CSPG4: variants seen among roughly 807,000 people sequenced by gnomAD.
The protein encoded by CSPG4 is chondroitin sulfate proteoglycan 4.
In CSPG4, 74 loss-of-function variants were observed where a neutral mutation model predicts 139.3. That is an observed-to-expected ratio of 0.53 (90% CI 0.44 to 0.64). CSPG4 has a LOEUF of 0.64. Ranked by LOEUF, CSPG4 falls within the 30% of genes least tolerant of loss-of-function variation. The pLI, the probability that CSPG4 is intolerant of heterozygous loss-of-function variation, is 0.00. For missense variants in CSPG4, 2,565 were observed against 3,148.3 expected (o/e 0.81, Z 4.43); for synonymous variants, 1,234 against 1,394.2 (o/e 0.89, Z 2.56).
Position 75,690,264 on chromosome 15 carries a change from G to T in CSPG4, c.801C>A (p.Gly267=), listed in dbSNP as rs1894144596. The part of the protein sequence containing the change: ...EGHLRAVVEK[G]QGTVLLHNSV... ...TGTTGTGGAGCAATACGGTACCCTGGCCCTTCTCCACCACGGCCCGCAGGT... is the reference window on the plus strand; with the variant it reads ...TGTTGTGGAGCAATACGGTACCCTGTCCCTTCTCCACCACGGCCCGCAGGT... Residue 267 remains glycine (G), a synonymous_variant, in exon 3 of 10, where the codon GGC becomes GGA. Coordinates refer to ENST00000308508, the MANE Select transcript of CSPG4 (RefSeq NM_001897.5). 6.2e-7 allele frequency: 1 copy of T among 1,613,142 alleles called. No homozygotes were observed. Among genetic ancestry groups the T allele is most frequent in the Non-Finnish European group, 8.5e-7 (1 of 1,179,814 alleles).
rs1173661000 is a variant in CSPG4 at position 75,685,421 on chromosome 15, G to A, written c.4070C>T (p.Ala1357Val). ...GAAGTTTTGCGCCTCTAGTGGGATG[G>A]CAGCGGGCAGCACCTCCAGCTCCAC... is the stretch of plus-strand genomic sequence containing the variant. ...VLVELEVLPA[A>V]IPLEAQNFSV... Residue 1357 changes from alanine (A) to valine (V), a missense_variant, in exon 4 of 10, where the codon GCC becomes GTC. By Grantham distance (64) the Ala-to-Val change is moderately conservative. Transcript: ENST00000308508. The A allele has an allele frequency of 1.2e-6, 2 of 1,612,118 alleles. No homozygotes were observed. Among genetic ancestry groups the A allele is most frequent in the Non-Finnish European group, 1.7e-6 (2 of 1,179,878 alleles).
In CSPG4 at chr15:75,675,621, G is replaced by T; in HGVS notation, c.6898C>A (p.Pro2300Thr). The T allele has an allele frequency of 6.6e-7, 1 of 1,519,310 alleles. No individual in the cohort carries two copies. Among genetic ancestry groups the T allele is most frequent in the Non-Finnish European group, 8.8e-7 (1 of 1,134,348 alleles). The allele number at this position is 1,519,310 out of a possible 1,614,324, so 94.1% of individuals were successfully genotyped here. A position where few individuals can be genotyped will look rare whatever the true frequency, so the allele number is the denominator to read the frequency against. The stretch of plus-strand genomic sequence containing the variant: ...CAGAACTGCAGCAGCTCTGGGTCAG[G>T]CTGGCCTCCTGGAGGGGGCCCCTGG... The part of the protein sequence containing the change: ...PGQGPPPGGQ[P>T]DPELLQFCRT... The change falls in exon 10 of 10, where the codon CCT becomes ACT. Residue 2300 changes from proline (P) to threonine (T), a missense_variant. This residue lies in a region of CSPG4 where 2,316 missense variants were observed against 2,818.2 expected (regional missense o/e 0.82). Coordinates refer to ENST00000308508, the MANE Select transcript of CSPG4 (RefSeq NM_001897.5).
chr15:75,712,873 C>A, upstream of CSPG4: 4 of 820,614 alleles, frequency 4.9e-6, no homozygotes. Flanking sequence ...TGTCCGCGCA[C>A]TTAACTCCGG....
intron 7 of CSPG4, 52 bp from the exon 8 acceptor site, chr15:75,682,511 C>T (rs1242468060): frequency 6.3e-7 from 1 of 1,582,396 alleles, no homozygotes. Flanking sequence ...CAGGTCCAGG[C>T]CTGTGTTTGC....
At chr15:75,701,737 T>G (rs992430513) in intron 1 of CSPG4, among the ~76,000 whole-genome samples, 2 of 152,182 alleles carry the variant, frequency 1.3e-5, no homozygotes, top group Non-Finnish European at 2.9e-5. Flanking sequence ...GTCCCTCAGA[T>G]GTCCATGGCA....
At position 75,685,084 on chromosome 15, in the gene CSPG4, A is replaced by G. The variant is rs180912459; in HGVS notation, c.4272+135T>C. The G allele has an allele frequency of 9.1e-5, 119 of 1,305,302 alleles. 1 individual carries two copies. The Admixed American group carries it at 2.5e-3, about 28-fold the overall frequency. The allele number at this position is 1,305,302 out of a possible 1,614,324, so 80.9% of individuals were successfully genotyped here. ...GAGGAAGAAAAGATATATGGTATTTAAAGCATAGGTGCTTCTGAAATGTGA... is the reference window on the plus strand; with the variant it reads ...GAGGAAGAAAAGATATATGGTATTTGAAGCATAGGTGCTTCTGAAATGTGA... On this transcript the variant is annotated intron_variant, in intron 4 of 9. Coordinates refer to ENST00000308508, the MANE Select transcript of CSPG4 (RefSeq NM_001897.5).
rs200662034 is a variant in CSPG4 at position 75,675,897 on chromosome 15, C to A, written c.6622G>T (p.Ala2208Ser). ...CTCAGGAAGCCTCCCTTGGCCACAG[C>A]GGGCTCAGGGCTGGATGCCATGGGG... ...PGPMASSPEP[A>S]VAKGGFLSFL... The change falls in exon 10 of 10, where the codon GCT becomes TCT. Residue 2208 changes from alanine to serine, a missense_variant. Physicochemically the swap from Ala to Ser is moderately conservative, Grantham distance 99. Coordinates refer to ENST00000308508, the MANE Select transcript of CSPG4 (RefSeq NM_001897.5). 2 of 1,603,944 alleles carry A rather than the reference C, an allele frequency of 1.2e-6. No homozygotes were observed. The highest frequency in any genetic ancestry group is 1.7e-6 in the Non-Finnish European group (2 of 1,179,800).
At position 75,683,014 on chromosome 15, in the gene CSPG4, G is replaced by T. The variant is rs1207284650; in HGVS notation, c.4477C>A (p.Pro1493Thr). Residue 1493 changes from proline (P) to threonine (T), a missense_variant, in exon 6 of 10, where the codon CCT becomes ACT. Around this residue, in one of 5 missense-constraint regions of CSPG4, gnomAD observed 2,316 missense variants for 2,818.2 expected, o/e 0.82. Coordinates refer to ENST00000308508, the MANE Select transcript of CSPG4 (RefSeq NM_001897.5). ...QMWEGATAPI[P>T]AEALRSTDGD... ...TCCGTGCTCCTCAGAGCCTCCGCAG[G>T]GATGGGCGCAGTGGCCCCCTCCCAC... is the stretch of plus-strand genomic sequence containing the variant. 6.2e-6 allele frequency: 10 copies of T among 1,610,878 alleles called. No homozygotes were observed. Among genetic ancestry groups the T allele is most frequent in the Non-Finnish European group, 7.6e-6 (9 of 1,179,654 alleles).
rs1234877336 is a variant in CSPG4 at position 75,706,614 on chromosome 15, T to C, written c.88+6054A>G. Among the ~76,000 whole-genome samples the C allele has an allele frequency of 2.0e-5, 3 of 151,944 alleles. No homozygotes were observed. The East Asian group carries it at 5.8e-4, about 29-fold the overall frequency. ...ATCCAGGTCATGGGTCTCAGAGCAA[T>C]CTGTGGTTAGAACAGGCTCCTGGGG... On this transcript the variant is annotated intron_variant, in intron 1 of 9. Coordinates refer to ENST00000308508, the MANE Select transcript of CSPG4 (RefSeq NM_001897.5).
chr15:75,708,922 T>G (rs1228797844), intron 1 of CSPG4, among the ~76,000 whole-genome samples: 3 of 152,258 alleles, frequency 2.0e-5, no homozygotes, highest in Admixed American at 6.5e-5. Context: ...CTCAGGAGGC[T>G]GAGGTGGGGA....
chr15:75,681,099 G>A (rs953480646), intron 8 of CSPG4, among the ~76,000 whole-genome samples: 11 of 152,192 alleles, frequency 7.2e-5, no homozygotes, highest in Non-Finnish European at 1.5e-4. Context: ...CGCAGCAGCT[G>A]CAGACACCAG....
Position 75,676,724 on chromosome 15 carries a change from G to A in CSPG4, c.5795C>T (p.Ser1932Phe). The A allele has an allele frequency of 1.3e-6, 2 of 1,584,752 alleles. No individual in the cohort carries two copies. The highest frequency in any genetic ancestry group is 1.7e-6 in the Non-Finnish European group (2 of 1,163,372). ...SDGASPPLPM[S>F]LAVDILPSAI... ...GGATGGTAGGATGTCCACAGCCAGG[G>A]ACATGGGCAGGGGTGGGCTGGCCCC... is the stretch of plus-strand genomic sequence containing the variant. The change falls in exon 10 of 10, where the codon TCC becomes TTC. Residue 1932 changes from serine to phenylalanine, a missense_variant. Ser to Phe is a radical substitution (Grantham distance 155, BLOSUM62 -2). Around this residue, in one of 5 missense-constraint regions of CSPG4, gnomAD observed 2,316 missense variants for 2,818.2 expected, o/e 0.82. Coordinates refer to ENST00000308508, the MANE Select transcript of CSPG4 (RefSeq NM_001897.5).
rs563453765 is a variant in CSPG4 at position 75,701,621 on chromosome 15, C to A, written c.89-8388G>T. On this transcript the variant is annotated intron_variant, in intron 1 of 9. Coordinates refer to ENST00000308508, the MANE Select transcript of CSPG4 (RefSeq NM_001897.5). ...GAGCTGTGCCCACCGCCACCACACT[C>A]CCTCTGGCCCTCCTTTTCTCTCCCG... is the stretch of plus-strand genomic sequence containing the variant. 9.1e-4 allele frequency among the ~76,000 whole-genome samples: 139 copies of A among 152,288 alleles called. 2 individuals carry two copies. The highest frequency in any genetic ancestry group is 1.1e-3 in the Admixed American group (17 of 15,310).
rs528055676 is a variant in CSPG4, at chr15:75,687,941, C to A, written c.3124G>T (p.Val1042Leu). Residue 1042 changes from valine (V) to leucine (L), a missense_variant, in exon 3 of 10, where the codon GTG (valine) becomes TTG (leucine). Physicochemically the swap from Val to Leu is conservative, Grantham distance 32. This residue lies in a region of CSPG4 where 2,316 missense variants were observed against 2,818.2 expected (regional missense o/e 0.82). Coordinates refer to ENST00000308508, the MANE Select transcript of CSPG4 (RefSeq NM_001897.5). The surrounding 1 kb of genome is among the most constrained non-coding windows in gnomAD (Gnocchi z 5.4). The part of the protein sequence containing the change: ...GGRRLLTTDD[V>L]AFSDADSGFA... ...CCCGAGTCAGCATCGCTGAAGGCCA[C>A]GTCGTCTGTAGTCAGCAGCCGCCGC... 3.2e-5 allele frequency: 51 copies of A among 1,612,930 alleles called. No individual in the cohort carries two copies. In the East Asian group the frequency reaches 6.9e-4, roughly 22 times the overall value.
rs1894069656 is a variant in CSPG4 at position 75,687,082 on chromosome 15, A to C, written c.3789+194T>G. On this transcript the variant is annotated intron_variant, in intron 3 of 9. Transcript: ENST00000308508. This position sits in a 1 kb window ranked among gnomAD's most constrained non-coding sequence, Gnocchi z 5.4. Reference sequence around the variant, plus strand: ...TCTGGAGGCGCACACAACTCCCAGGAGGATGGGTGTATAGCAAGCTCCCCA... The same window carrying C: ...TCTGGAGGCGCACACAACTCCCAGGCGGATGGGTGTATAGCAAGCTCCCCA... 1.3e-5 allele frequency among the ~76,000 whole-genome samples: 2 copies of C among 152,136 alleles called. No individual in the cohort carries two copies. The highest frequency in any genetic ancestry group is 4.8e-5 in the African/African-American group (2 of 41,524).
chr15:75,708,877 C>T (rs1894408198), intron 1 of CSPG4, among the ~76,000 whole-genome samples: 1 of 152,114 alleles, frequency 6.6e-6, no homozygotes, highest in Non-Finnish European at 1.5e-5. Flanking sequence ...AAATAATTAC[C>T]CTGGTGTGGT....
chr15:75,698,348 G>T lies in CSPG4; in HGVS notation c.89-5115C>A, dbSNP rs1894255223. ...GGCGGGGGGTGGTCGTGGCCCACCT[G>T]GGGGCTGAATGCCGGCTCTGTGAGA... is the stretch of plus-strand genomic sequence containing the variant. On this transcript the variant is annotated intron_variant, in intron 1 of 9. Transcript: ENST00000308508. The surrounding 1 kb of genome is among the most constrained non-coding windows in gnomAD (Gnocchi z 4.3). 6.6e-6 allele frequency among the ~76,000 whole-genome samples: 1 copy of T among 151,892 alleles called. No individual in the cohort carries two copies. Among genetic ancestry groups the T allele is most frequent in the South Asian group, 2.1e-4 (1 of 4,828 alleles).
At position 75,675,158 on chromosome 15, in the gene CSPG4, G is replaced by T. The variant is rs951795776; in HGVS notation, c.*392C>A. 1 of 303,426 alleles carries T rather than the reference G, an allele frequency of 3.3e-6. No individual in the cohort carries two copies. Among genetic ancestry groups the T allele is most frequent in the East Asian group, 5.2e-5 (1 of 19,140 alleles). The allele number at this position is 303,426 out of a possible 1,614,324, so 18.8% of individuals were successfully genotyped here. On this transcript the variant is annotated 3_prime_UTR_variant, in exon 10 of 10. Transcript: ENST00000308508. ...TTCCTCTGTCCCTTCCCTCCCCAGG[G>T]TACTTCCTTCTCCTTGCCCTCTTAG... is the stretch of plus-strand genomic sequence containing the variant.
chr15:75,678,985 GTCC>G (rs1893934174), intron 8 of CSPG4: 1 of 341,854 alleles, frequency 2.9e-6, no homozygotes, highest in Admixed American at 4.1e-5. Flanking sequence ...CTCCTGGCTG[GTCC>G]TCCTCTTCTC....
Sources: gnomAD v4.1 joint callset for allele counts (sites outside exome capture counted in the v4.1 genomes callset) on GRCh38, gnomAD v4.1.1 for gene constraint, gnomAD v4.1.1 regional missense constraint, Gnocchi (gnomAD v3.1) non-coding constraint, MANE v1.5 for transcripts, NCBI Gene and HGNC (gene_info 2026-07-23, HGNC 2026-07-21) for gene names.